The following DDRGK1 variants were observed in gnomAD, a reference collection of about 807,000 sequenced individuals.
DDRGK1 encodes the protein DDRGK domain containing 1.
A neutral mutation model predicts 45.8 loss-of-function variants in DDRGK1; 38 were observed. The observed-to-expected ratio is 0.83, with a 90% CI of 0.64 to 1.09. The LOEUF is 1.09. Ranked by LOEUF, DDRGK1 falls within the 50% of genes least tolerant of loss-of-function variation. The probability of loss-of-function intolerance (pLI) is 0.00; values close to 1 mark genes in which losing one functional copy is unlikely to be tolerated. For synonymous variants in DDRGK1, 171 were observed against 168.7 expected, an observed-to-expected ratio of 1.01 and a Z score of -0.11; for missense variants, 403 against 419.9, an observed-to-expected ratio of 0.96 and a Z score of 0.35.
At chr20:3,201,099 G>T (rs1376166889) in intron 2 of DDRGK1, among the ~76,000 whole-genome samples, 1 of 151,254 alleles carries the variant, frequency 6.6e-6, no homozygotes, top group Non-Finnish European at 1.5e-5. Context: ...GACAGAGTGA[G>T]ACACTGTCTC....
In DDRGK1 at chr20:3,202,605, C is replaced by T. The variant is rs74421789; in HGVS notation, c.295+608G>A. On this transcript the variant is annotated intron_variant, in intron 2 of 8. Coordinates refer to ENST00000354488, the MANE Select transcript of DDRGK1 (RefSeq NM_023935.3). Reference sequence around the variant, plus strand: ...GAACCCAAGTCTGAGCCAGAAGGTACGGCAAAGAAAGGGCCTCTTCTTGAG... The same window carrying T: ...GAACCCAAGTCTGAGCCAGAAGGTATGGCAAAGAAAGGGCCTCTTCTTGAG... Among the ~76,000 whole-genome samples, 535 of 152,270 alleles carry T rather than the reference C, an allele frequency of 3.5e-3. 2 individuals are homozygous for T. Among genetic ancestry groups the T allele is most frequent in the African/African-American group, 0.012 (519 of 41,550 alleles).
chr20:3,198,266 C>CGTG (rs1436959946), intron 4 of DDRGK1, among the ~76,000 whole-genome samples: 1 of 151,398 alleles, frequency 6.6e-6, no homozygotes, highest in Non-Finnish European at 1.5e-5. Context: ...ATTAGCTGAG[C>CGTG]GTGGTGGTGC....
intron 6 of DDRGK1, among the ~76,000 whole-genome samples, chr20:3,192,368 C>T (rs1262907579): frequency 2.6e-5 from 4 of 152,170 alleles, no homozygotes; most frequent in African/African-American, 9.7e-5. Flanking sequence ...GCTCGCAGTC[C>T]GGCTGGTGAG....
chr20:3,192,973 G>A (rs943502988), intron 6 of DDRGK1, among the ~76,000 whole-genome samples: 2 of 152,148 alleles, frequency 1.3e-5, no homozygotes, highest in African/African-American at 2.4e-5. Flanking sequence ...ATCAGGCAGC[G>A]GGCTCTCAGT....
intron 4 of DDRGK1, among the ~76,000 whole-genome samples, chr20:3,196,105 C>G (rs1297049363): frequency 2.0e-5 from 3 of 152,190 alleles, no homozygotes; most frequent in Non-Finnish European, 4.4e-5. Flanking sequence ...AATCTCTTCT[C>G]CCAAACACAC....
At chr20:3,195,441 G>A in intron 4 of DDRGK1, 88 bp from the exon 5 acceptor site, 2 of 1,495,502 alleles carry the variant, frequency 1.3e-6, no homozygotes, top group East Asian at 2.3e-5. Context: ...CAGGACACCA[G>A]AGCATATAGC....
At chr20:3,203,162 A>C in intron 2 of DDRGK1, 51 bp downstream of exon 2, 1 of 1,447,980 alleles carries the variant, frequency 6.9e-7, no homozygotes. Context: ...GGGCCCTTTT[A>C]TCCCCCCCTC....
At position 3,203,429 on chromosome 20, in the gene DDRGK1, C is replaced by A; in HGVS notation, c.92-13G>T. ...GGCTCTTGGCCGGCTGTAGGGAAGA[C>A]AGAAATGACAATGCTGCCTATAAGC... is the stretch of plus-strand genomic sequence containing the variant. On this transcript the variant is annotated splice_polypyrimidine_tract_variant and intron_variant, in intron 1 of 8. Transcript: ENST00000354488. The A allele has an allele frequency of 6.5e-7, 1 of 1,538,448 alleles. No individual in the cohort carries two copies. The highest frequency in any genetic ancestry group is 1.2e-5 in the South Asian group (1 of 81,580).
chr20:3,197,638 A>G (rs898375250), intron 4 of DDRGK1, among the ~76,000 whole-genome samples: 19 of 152,174 alleles, frequency 1.2e-4, no homozygotes, highest in Non-Finnish European at 2.5e-4. Context: ...GGACTCCTCA[A>G]AATTGTTAAG....
intron 6 of DDRGK1, 120 bp downstream of exon 6, chr20:3,194,710 G>GC: frequency 1.5e-6 from 2 of 1,335,314 alleles, no homozygotes; most frequent in Non-Finnish European, 1.0e-6. Context: ...GCCCCTCTGG[G>GC]CCCCCCTGTC....
At chr20:3,196,144 C>A (rs1043670997) in intron 4 of DDRGK1, among the ~76,000 whole-genome samples, 2 of 152,168 alleles carry the variant, frequency 1.3e-5, no homozygotes, top group Non-Finnish European at 2.9e-5. Flanking sequence ...GCTACTGGGC[C>A]ATCTCACAGG....
intron 2 of DDRGK1, among the ~76,000 whole-genome samples, chr20:3,202,863 C>A (rs1054260017): frequency 6.6e-6 from 1 of 152,234 alleles, no homozygotes; most frequent in Non-Finnish European, 1.5e-5. Flanking sequence ...ACTCCAGGAA[C>A]TGCAGAAACT....
chr20:3,190,845 C>T, intron 8 of DDRGK1, 26 bp from the exon 9 acceptor site: 1 of 1,593,822 alleles, frequency 6.3e-7, no homozygotes, highest in South Asian at 1.1e-5. Flanking sequence ...GGTTGTGGGG[C>T]TGAGGCCTCC....
At position 3,190,482 on chromosome 20, in the gene DDRGK1, C is replaced by T. The variant is rs1378592706; in HGVS notation, c.*171G>A. 1 of 802,640 alleles carries T rather than the reference C, an allele frequency of 1.2e-6. No homozygotes were observed. Among genetic ancestry groups the T allele is most frequent in the Non-Finnish European group, 1.9e-6 (1 of 513,128 alleles). The allele number at this position is 802,640 out of a possible 1,614,324, so 49.7% of individuals were successfully genotyped here. ...AAATTTCACCTGCTTATCTAGGATC[C>T]TAGGCCAGGCCTTCTGCCACACCAA... On this transcript the variant is annotated 3_prime_UTR_variant, in exon 9 of 9. Coordinates refer to ENST00000354488, the MANE Select transcript of DDRGK1 (RefSeq NM_023935.3).
intron 1 of DDRGK1, 77 bp downstream of exon 1, chr20:3,204,460 G>T: frequency 7.0e-7 from 1 of 1,430,014 alleles, no homozygotes; most frequent in South Asian, 1.3e-5. Flanking sequence ...CGCAGGAGCC[G>T]CGGCGCGACG....
At chr20:3,196,521 CAAAA>C (rs11382726) in intron 4 of DDRGK1, among the ~76,000 whole-genome samples, 5 of 145,996 alleles carry the variant, frequency 3.4e-5, no homozygotes, top group Middle Eastern at 3.5e-3. Context: ...ACTAAAAATA[CAAAA>C]AAAAAATTAG....
At chr20:3,194,932 C>T (rs2067003530) in intron 5 of DDRGK1, 64 bp from the exon 6 acceptor site, 3 of 1,591,334 alleles carry the variant, frequency 1.9e-6, no homozygotes, top group Non-Finnish European at 2.6e-6. Context: ...TGTACCCATT[C>T]ACCCAAGTAC....
intron 2 of DDRGK1, 26 bp downstream of exon 2, chr20:3,203,181 ACCCTCT>A (rs2067048607): frequency 1.3e-6 from 2 of 1,506,882 alleles, no homozygotes; most frequent in South Asian, 2.6e-5. Flanking sequence ...TCCAACCCAA[ACCCTCT>A]CCCCACCAGG....
In DDRGK1 at chr20:3,200,876, A is replaced by C. The variant is rs572519125; in HGVS notation, c.296-422T>G. Among the ~76,000 whole-genome samples, 29 of 152,196 alleles carry C rather than the reference A, an allele frequency of 1.9e-4. No homozygotes were observed. The East Asian group carries it at 3.3e-3, about 17-fold the overall frequency. On this transcript the variant is annotated intron_variant, in intron 2 of 8. Coordinates refer to ENST00000354488, the MANE Select transcript of DDRGK1 (RefSeq NM_023935.3). ...CTGTAATCCCAGAACTTTGGGAGGC[A>C]AAGGTGGGCGGATCACGAGGTTAGG...
Sources: gnomAD v4.1 joint callset for allele counts (sites outside exome capture counted in the v4.1 genomes callset) on GRCh38, gnomAD v4.1.1 for gene constraint, MANE v1.5 for transcripts, NCBI Gene and HGNC (gene_info 2026-07-23, HGNC 2026-07-21) for gene names.